The following COMMD5 variants were observed in gnomAD, a reference collection of about 807,000 sequenced individuals.
COMMD5 encodes COMM domain containing 5.
In COMMD5, 10 loss-of-function variants were observed where a neutral mutation model predicts 6.9. That is an observed-to-expected ratio of 1.44 (90% CI 0.89 to 2.45). The LOEUF (loss-of-function observed/expected upper bound fraction) is 2.45. Ranked by LOEUF, COMMD5 falls within the 30% of genes most tolerant of loss-of-function variation. The pLI, the probability that COMMD5 is intolerant of heterozygous loss-of-function variation, is 0.00. For synonymous variants in COMMD5, 127 were observed against 125.3 expected, an observed-to-expected ratio of 1.01 and a Z score of -0.09; for missense variants, 234 against 287.8, an observed-to-expected ratio of 0.81 and a Z score of 1.35.
At chr8:144,843,074 A>T (rs756569220) in intron 1 of COMMD5, 24 of 1,613,920 alleles carry the variant, frequency 1.5e-5, no homozygotes, top group Non-Finnish European at 1.9e-5. Flanking sequence ...CAGAGAATTC[A>T]CACCGGGGAG....
rs1830702263 is a variant in COMMD5 at position 144,850,835 on chromosome 8, C to T, written c.504G>A (p.Leu168=). 1 of 1,613,824 alleles carries T rather than the reference C, an allele frequency of 6.2e-7. No homozygotes were observed. Among genetic ancestry groups the T allele is most frequent in the Non-Finnish European group, 8.5e-7 (1 of 1,180,016 alleles). The stretch of plus-strand genomic sequence containing the variant: ...GGACGCTCGGCTGCAGGGAGCGAGC[C>T]AGGGCACTGGTGGAGATTGCTACAT... ...RVDVAISTSA[L]ARSLQPSVLM... The change falls in exon 2 of 2, where the codon CTG becomes CTA. Residue 168 remains leucine, a synonymous_variant. Coordinates refer to ENST00000305103, the MANE Select transcript of COMMD5 (RefSeq NM_014066.4). This position sits in a 1 kb window ranked among gnomAD's most constrained non-coding sequence, Gnocchi z 4.0.
chr8:144,852,102 C>A (rs2130781425), intron 1 of COMMD5, among the ~76,000 whole-genome samples: 1 of 132,690 alleles, frequency 7.5e-6, no homozygotes, highest in Non-Finnish European at 1.5e-5. Context: ...AATCGAGCCG[C>A]TGCACTCCAG....
intron 1 of COMMD5, among the ~76,000 whole-genome samples, chr8:144,844,633 T>C (rs536480196): frequency 3.5e-5 from 5 of 141,380 alleles, no homozygotes; most frequent in South Asian, 4.4e-4. Flanking sequence ...GGTGTGAACC[T>C]GGGAGGCAGA....
At chr8:144,842,228 G>A (rs765527846) in intron 1 of COMMD5, 1 of 1,614,094 alleles carries the variant, frequency 6.2e-7, no homozygotes, top group South Asian at 1.1e-5. Context: ...TTCAGCCAGA[G>A]CTCCACCCTA....
chr8:144,843,416 A>G (rs112376426), intron 1 of COMMD5: 30,341 of 359,370 alleles, frequency 0.084, 1,491 homozygotes, highest in South Asian at 0.12. Flanking sequence ...GTGAAACCCC[A>G]TCTCTACTAA....
In COMMD5 at chr8:144,851,363, C is replaced by T. The variant is rs1830737361; in HGVS notation, c.-25G>A. Reference sequence around the variant, plus strand: ...TTGCTGCTGCTTCCTCTTTGATCAGCCAGCCCAGGAGGTCGGTCCCAGATG... The same window carrying T: ...TTGCTGCTGCTTCCTCTTTGATCAGTCAGCCCAGGAGGTCGGTCCCAGATG... On this transcript the variant is annotated 5_prime_UTR_variant, in exon 2 of 2. Transcript: ENST00000305103. 1 of 1,585,268 alleles carries T rather than the reference C, an allele frequency of 6.3e-7. No homozygotes were observed. Among genetic ancestry groups the T allele is most frequent in the Non-Finnish European group, 8.6e-7 (1 of 1,162,476 alleles).
At position 144,844,709 on chromosome 8, in the gene COMMD5, C is replaced by CAAAAAAA. The variant is rs71320849; in HGVS notation, c.*117-2973_*117-2967dup. 2.3e-4 allele frequency among the ~76,000 whole-genome samples: 20 copies of CAAAAAAA among 88,644 alleles called. 1 individual carries two copies. Among genetic ancestry groups the CAAAAAAA allele is most frequent in the African/African-American group, 7.6e-4 (18 of 23,740 alleles). The allele number at this position is 88,644 out of a possible 152,430, so 58.2% of individuals were successfully genotyped here. A position where few individuals can be genotyped will look rare whatever the true frequency, so the allele number is the denominator to read the frequency against. ...GGGTGACAAGAGTGTGACTCTGTATCAAAAAAAAAAAAAAAAAAAAAAAAA... is the reference window on the plus strand; with the variant it reads ...GGGTGACAAGAGTGTGACTCTGTATCAAAAAAAAAAAAAAAAAAAAAAAAAAAAAAAA... On this transcript the variant is annotated intron_variant and NMD_transcript_variant, in intron 1 of 1. Coordinates refer to the COMMD5 transcript ENST00000530332.
chr8:144,851,800 A>C (rs1476667929), intron 1 of COMMD5, among the ~76,000 whole-genome samples: 1 of 152,146 alleles, frequency 6.6e-6, no homozygotes, highest in Non-Finnish European at 1.5e-5. Flanking sequence ...ATCCTTCACA[A>C]CAGTGGGCAA....
At position 144,851,063 on chromosome 8, in the gene COMMD5, C is replaced by T. The variant is rs1830719000; in HGVS notation, c.276G>A (p.Leu92=). The change falls in exon 2 of 2, where the codon CTG becomes CTA. Residue 92 remains leucine (L), a synonymous_variant. Coordinates refer to ENST00000305103, the MANE Select transcript of COMMD5 (RefSeq NM_014066.4). ...GGGGCAGACGGAGGGCCTGCTGGAGCAGTGTGTGCATGCCTGCCAGCAGGG... is the reference window on the plus strand; with the variant it reads ...GGGGCAGACGGAGGGCCTGCTGGAGTAGTGTGTGCATGCCTGCCAGCAGGG... ...LGALLAGMHT[L]LQQALRLPPT... The T allele has an allele frequency of 1.2e-6, 2 of 1,612,332 alleles. No homozygotes were observed. Among genetic ancestry groups the T allele is most frequent in the Non-Finnish European group, 1.7e-6 (2 of 1,179,810 alleles).
chr8:144,839,938 CTTTAT>C (rs1050444683), downstream of COMMD5, among the ~76,000 whole-genome samples: 16 of 152,146 alleles, frequency 1.1e-4, no homozygotes, highest in African/African-American at 2.7e-4. Flanking sequence ...TGCCGCTGCT[CTTTAT>C]TTTTTTATTT....
In COMMD5 at chr8:144,843,235, G is replaced by A. The variant is rs79853418; in HGVS notation, c.*117-1492C>T. 1.1e-4 allele frequency: 156 copies of A among 1,478,990 alleles called. No homozygotes were observed. In the African/African-American group the frequency reaches 1.7e-3, roughly 16 times the overall value. 91.6% of individuals were successfully genotyped at this position (1,478,990 alleles called of 1,614,324 possible). ...AGCCTTAACTTACTTATTTTATATG[G>A]AATCGTTTATACTGACAAACATGTA... On this transcript the variant is annotated intron_variant and NMD_transcript_variant, in intron 1 of 1. Transcript: ENST00000530332.
intron 1 of COMMD5, chr8:144,842,296 A>G (rs1194769387): frequency 2.5e-6 from 4 of 1,614,072 alleles, no homozygotes; most frequent in Admixed American, 3.3e-5. Flanking sequence ...AGCCTCAGAC[A>G]GTCCAAGCCT....
chr8:144,841,013 G>A (rs776068630), downstream of COMMD5: 8 of 239,276 alleles, frequency 3.3e-5, no homozygotes, highest in East Asian at 9.3e-5. Context: ...AGCCCAATCC[G>A]TGGTAGCTTC....
intron 1 of COMMD5, chr8:144,841,969 C>G (rs138843934): frequency 1.9e-6 from 3 of 1,613,820 alleles, no homozygotes; most frequent in Non-Finnish European, 1.7e-6. Flanking sequence ...AAAAGCCTTC[C>G]GCCTGAGCTC....
At chr8:144,842,447 C>G (rs1351953553) in intron 1 of COMMD5, 2 of 1,613,836 alleles carry the variant, frequency 1.2e-6, no homozygotes, top group African/African-American at 1.3e-5. Flanking sequence ...AACAAGTGTA[C>G]AAAAGCCTTT....
In COMMD5 at chr8:144,844,005, G is replaced by A. The variant is rs148654760; in HGVS notation, c.*117-2262C>T. On this transcript the variant is annotated intron_variant and NMD_transcript_variant, in intron 1 of 1. Transcript: ENST00000530332. ...AGGCAGGCTGGGCTAGCAGGTACAC[G>A]CCATCATTACTGGTGTGGTTGGCAT... Among the ~76,000 whole-genome samples the A allele has an allele frequency of 6.5e-4, 99 of 152,240 alleles. 2 individuals are homozygous for A. The East Asian group carries it at 0.015, about 23-fold the overall frequency.
At chr8:144,840,895 G>C (rs1829807805), downstream of COMMD5, 2 of 157,360 alleles carry the variant, frequency 1.3e-5, no homozygotes, top group Middle Eastern at 3.2e-3. Flanking sequence ...TAAGTCCCTT[G>C]GCAGCTCTTC....
downstream of COMMD5, chr8:144,846,448 C>G (rs1830515527): frequency 2.8e-6 from 1 of 353,568 alleles, no homozygotes; most frequent in Non-Finnish European, 5.2e-6. Flanking sequence ...GATGCCCAAG[C>G]GTCTTCATGG....
At position 144,850,827 on chromosome 8, in the gene COMMD5, G is replaced by A; in HGVS notation, c.512C>T (p.Ser171Phe). ...CTGCATCAGGACGCTCGGCTGCAGG[G>A]AGCGAGCCAGGGCACTGGTGGAGAT... ...VAISTSALAR[S>F]LQPSVLMQLK... is the part of the protein sequence containing the mutation. Residue 171 changes from serine to phenylalanine, a missense_variant, in exon 2 of 2, where the codon TCC (serine) becomes TTC (phenylalanine). Physicochemically the swap from Ser to Phe is radical, Grantham distance 155. Transcript: ENST00000305103. This position sits in a 1 kb window ranked among gnomAD's most constrained non-coding sequence, Gnocchi z 4.0. 3 of 1,613,870 alleles carry A rather than the reference G, an allele frequency of 1.9e-6. No individual in the cohort carries two copies. Among genetic ancestry groups the A allele is most frequent in the Non-Finnish European group, 2.5e-6 (3 of 1,180,042 alleles).
Sources: gnomAD v4.1 joint callset for allele counts (sites outside exome capture counted in the v4.1 genomes callset) on GRCh38, gnomAD v4.1.1 for gene constraint, Gnocchi (gnomAD v3.1) non-coding constraint, MANE v1.5 for transcripts, NCBI Gene and HGNC (gene_info 2026-07-23, HGNC 2026-07-21) for gene names.